Variants in AKAP19 observed in about 807,000 individuals in gnomAD.
The protein encoded by AKAP19 is A-kinase anchoring protein 19.
the AKAP19 span, among the ~76,000 whole-genome samples, chr2:189,902,895 TA>T: frequency 6.6e-6 from 1 of 151,948 alleles, no homozygotes; most frequent in African/African-American, 2.4e-5. Context: ...TAAAGTGCAT[TA>T]AATAAAGTAA....
the AKAP19 span, among the ~76,000 whole-genome samples, chr2:189,914,488 C>A: frequency 1.3e-5 from 2 of 151,864 alleles, no homozygotes; most frequent in East Asian, 3.9e-4. Context: ...ATGAAACTGC[C>A]AGCAGTAAGC....
the AKAP19 span, among the ~76,000 whole-genome samples, chr2:190,178,045 A>G: frequency 6.6e-6 from 1 of 152,040 alleles, no homozygotes; most frequent in African/African-American, 2.4e-5. The surrounding 1 kb of genome is among the most constrained non-coding windows in gnomAD (Gnocchi z 6.3). Flanking sequence ...CCCAGCTTTT[A>G]AAAAGTTATC....
At chr2:190,038,941 T>TTCTTCTTCTTCTTCTTCTTCTTCTTCC in the AKAP19 span, among the ~76,000 whole-genome samples, 1 of 143,876 alleles carries the variant, frequency 7.0e-6, no homozygotes, top group African/African-American at 2.8e-5. Context: ...CTTCTTCTTC[T>TTCTTCTTCTTCTTCTTCTTCTTCTTCC]TCTTCTTCTT....
chr2:190,018,204 G>A, the AKAP19 span, among the ~76,000 whole-genome samples: 1 of 152,040 alleles, frequency 6.6e-6, no homozygotes, highest in Non-Finnish European at 1.5e-5. Context: ...CCAGATATAG[G>A]AAGTCTTCAG....
chr2:190,073,853 C>A, the AKAP19 span, among the ~76,000 whole-genome samples: 43 of 151,848 alleles, frequency 2.8e-4, no homozygotes, highest in Non-Finnish European at 5.6e-4. Flanking sequence ...GAGTTTGAGA[C>A]CAGCCTGGCT....
the AKAP19 span, among the ~76,000 whole-genome samples, chr2:189,948,629 C>A: frequency 2.8e-4 from 42 of 152,248 alleles, no homozygotes; most frequent in African/African-American, 9.9e-4. Context: ...CTTATAGCGC[C>A]ACTTTATCAA....
the AKAP19 span, among the ~76,000 whole-genome samples, chr2:189,974,213 A>G: frequency 1.3e-5 from 2 of 152,130 alleles, no homozygotes; most frequent in African/African-American, 4.8e-5. Flanking sequence ...GAACATCTTT[A>G]TCTCTGCCCT....
chr2:190,128,249 G>A, the AKAP19 span, among the ~76,000 whole-genome samples: 1 of 152,112 alleles, frequency 6.6e-6, no homozygotes, highest in Admixed American at 6.5e-5. Flanking sequence ...TATCAAACTG[G>A]TAAAAATCCA....
chr2:189,935,628 A>T, the AKAP19 span, among the ~76,000 whole-genome samples: 1 of 152,070 alleles, frequency 6.6e-6, no homozygotes, highest in African/African-American at 2.4e-5. Flanking sequence ...ACACAAAGCT[A>T]TTTGTTACTG....
chr2:189,993,747 T>G, the AKAP19 span, among the ~76,000 whole-genome samples: 1 of 152,170 alleles, frequency 6.6e-6, no homozygotes, highest in African/African-American at 2.4e-5. Context: ...GGGTTGCATA[T>G]TTCCAGGAAT....
chr2:190,038,901 T>TTTCTTTCTTTCTTTCTTTCTTTC, the AKAP19 span, among the ~76,000 whole-genome samples: 2 of 45,996 alleles, frequency 4.3e-5, no homozygotes, highest in African/African-American at 1.5e-4. Flanking sequence ...TCTTTCTTTC[T>TTTCTTTCTTTCTTTCTTTCTTTC]TTCTTCTTCT....
At chr2:190,153,730 C>CT in the AKAP19 span, among the ~76,000 whole-genome samples, 1 of 152,046 alleles carries the variant, frequency 6.6e-6, no homozygotes, top group African/African-American at 2.4e-5. Context: ...TTCTTGCATT[C>CT]TTACATAAGC....
chr2:189,928,973 A>G, the AKAP19 span, among the ~76,000 whole-genome samples: 4 of 152,194 alleles, frequency 2.6e-5, no homozygotes, highest in African/African-American at 4.8e-5. Context: ...TGGATAAAAC[A>G]TTACTACTAT....
the AKAP19 span, among the ~76,000 whole-genome samples, chr2:189,986,942 G>A: frequency 6.6e-6 from 1 of 152,030 alleles, no homozygotes; most frequent in Non-Finnish European, 1.5e-5. Context: ...GAGAAAGAAG[G>A]AGACAGGAAG....
At chr2:189,896,405 T>C in the AKAP19 span, among the ~76,000 whole-genome samples, 8,461 of 152,214 alleles carry the variant, frequency 0.056, 404 homozygotes, top group African/African-American at 0.12. Context: ...TTTGTTATCT[T>C]TCTTTGTGTC....
the AKAP19 span, among the ~76,000 whole-genome samples, chr2:190,135,643 C>T: frequency 6.6e-6 from 1 of 152,282 alleles, no homozygotes; most frequent in East Asian, 1.9e-4. Context: ...TACCGTGTTA[C>T]CTTGGGCAGA....
chr2:190,137,334 T>A, the AKAP19 span, among the ~76,000 whole-genome samples: 2 of 152,230 alleles, frequency 1.3e-5, no homozygotes, highest in Non-Finnish European at 2.9e-5. Context: ...AAATATTTTT[T>A]AAATGAATTA....
the AKAP19 span, among the ~76,000 whole-genome samples, chr2:190,076,810 A>G: frequency 6.6e-6 from 1 of 152,110 alleles, no homozygotes; most frequent in Non-Finnish European, 1.5e-5. Context: ...TTGGGGGTTT[A>G]TAGTTTTCAT....
At chr2:190,157,212 C>T in the AKAP19 span, among the ~76,000 whole-genome samples, 1 of 152,074 alleles carries the variant, frequency 6.6e-6, no homozygotes, top group Non-Finnish European at 1.5e-5. Flanking sequence ...CAAGGCCTCA[C>T]AGAACTACAT....
Sources: allele counts gnomAD v4.1 joint callset (sites outside exome capture counted in the v4.1 genomes callset), GRCh38; gene constraint gnomAD v4.1.1; non-coding constraint Gnocchi (gnomAD v3.1); transcripts MANE v1.5; gene names NCBI Gene and HGNC (gene_info 2026-07-23, HGNC 2026-07-21).